The following RPA3 variants were observed in gnomAD, a reference collection of about 807,000 sequenced individuals.
RPA3 encodes replication protein A3.
A neutral mutation model predicts 13.7 loss-of-function variants in RPA3; 24 were observed. The observed-to-expected ratio is 1.75, with a 90% CI of 1.27 to 2.46. The LOEUF is 2.46. Among genes scored for constraint, RPA3 ranks in the 30% most tolerant of loss-of-function variants. RPA3 has a pLI of 0.00. For missense variants in RPA3, 183 were observed against 151.0 expected, an observed-to-expected ratio of 1.21 and a Z score of -1.11; for synonymous variants, 59 against 51.2, an observed-to-expected ratio of 1.15 and a Z score of -0.65.
intron 2 of RPA3, among the ~76,000 whole-genome samples, chr7:7,710,115 A>G (rs993683241): frequency 6.6e-6 from 1 of 152,136 alleles, no homozygotes; most frequent in African/African-American, 2.4e-5. Context: ...ATATTGCTCT[A>G]TGTATCTTTA....
chr7:7,686,222 A>G (rs1046966339), intron 3 of RPA3, among the ~76,000 whole-genome samples: 2 of 152,198 alleles, frequency 1.3e-5, no homozygotes, highest in Admixed American at 6.5e-5. Context: ...ATAGCTTCAG[A>G]AGAATCTGAT....
intron 2 of RPA3, among the ~76,000 whole-genome samples, chr7:7,698,495 C>CA (rs1294676109): frequency 6.6e-6 from 1 of 152,182 alleles, no homozygotes; most frequent in African/African-American, 2.4e-5. Context: ...CCTGATTTAA[C>CA]AAAATGTGTT....
intron 4 of RPA3, among the ~76,000 whole-genome samples, chr7:7,660,187 T>C (rs541067110): frequency 6.6e-6 from 1 of 152,372 alleles, no homozygotes; most frequent in Non-Finnish European, 1.5e-5. Context: ...TTTGAGCCTA[T>C]GTGTGTCTTT....
chr7:7,648,213 G>T (rs1785142069), intron 4 of RPA3, among the ~76,000 whole-genome samples: 1 of 152,194 alleles, frequency 6.6e-6, no homozygotes, highest in South Asian at 2.1e-4. Context: ...CTAGATGTAT[G>T]GGGGATGGAT....
chr7:7,640,135 C>A, intron 5 of RPA3, 185 bp downstream of exon 5: 1 of 630,052 alleles, frequency 1.6e-6, no homozygotes, highest in Non-Finnish European at 2.8e-6. Flanking sequence ...TGTTTCCGTG[C>A]CATAAAAGAG....
At chr7:7,654,318 T>C (rs539232556) in intron 4 of RPA3, among the ~76,000 whole-genome samples, 190 of 152,306 alleles carry the variant, frequency 1.2e-3, no homozygotes, top group Non-Finnish European at 2.1e-3. Context: ...GTGATGGAAA[T>C]AGGATCTGAC....
chr7:7,706,652 G>C (rs1056876649), intron 2 of RPA3, among the ~76,000 whole-genome samples: 5 of 152,064 alleles, frequency 3.3e-5, no homozygotes, highest in Admixed American at 2.0e-4. Flanking sequence ...ATTTACATAA[G>C]AACTCTAAGA....
intron 2 of RPA3, among the ~76,000 whole-genome samples, chr7:7,702,778 C>T (rs1268396538): frequency 5.3e-5 from 8 of 150,574 alleles, no homozygotes; most frequent in Non-Finnish European, 1.2e-4. Flanking sequence ...TGCCAGTGGC[C>T]TGGGTTTTTG....
At chr7:7,677,666 T>G (rs1481577938) in intron 4 of RPA3, among the ~76,000 whole-genome samples, 1 of 1,188 alleles carries the variant, frequency 8.4e-4, no homozygotes, top group Non-Finnish European at 3.5e-3. Context: ...GTTTTTTTGT[T>G]TTTTTTTTTT....
chr7:7,637,144 T>C (rs530468286), intron 7 of RPA3, 62 bp from the exon 8 acceptor site: 1 of 1,161,120 alleles, frequency 8.6e-7, no homozygotes, highest in East Asian at 2.4e-5. Flanking sequence ...TCAATTATTA[T>C]CTAAGATATT....
chr7:7,715,897 T>C (rs1328876631), intron 1 of RPA3, among the ~76,000 whole-genome samples: 1 of 152,214 alleles, frequency 6.6e-6, no homozygotes, highest in Non-Finnish European at 1.5e-5. Flanking sequence ...TTTAACCATT[T>C]ACTAAACTTT....
chr7:7,690,729 G>A (rs1405093097), intron 2 of RPA3, among the ~76,000 whole-genome samples: 2 of 152,020 alleles, frequency 1.3e-5, no homozygotes, highest in Admixed American at 6.6e-5. Context: ...ATAGTATTGA[G>A]CTACCTTATA....
rs755812687 is a variant in RPA3, at chr7:7,640,594, G to A, written c.-176C>T. On this transcript the variant is annotated 5_prime_UTR_variant, in exon 5 of 8. Transcript: ENST00000223129. ...AATCGCGCTGTCTCTGAAAGGGGTG[G>A]AGAAGGGGCTGGATGAGTCCGGAAG... 7.0e-5 allele frequency: 44 copies of A among 629,832 alleles called. No homozygotes were observed. The highest frequency in any genetic ancestry group is 1.0e-4 in the Non-Finnish European group (36 of 354,492). The allele number at this position is 629,832 out of a possible 1,614,324, so 39.0% of individuals were successfully genotyped here. A position where few individuals can be genotyped will look rare whatever the true frequency, so the allele number is the denominator to read the frequency against.
At chr7:7,709,420 A>T (rs1029983401) in intron 2 of RPA3, among the ~76,000 whole-genome samples, 53 of 152,322 alleles carry the variant, frequency 3.5e-4, no homozygotes, top group African/African-American at 1.2e-3. Context: ...GAGAGGTCAG[A>T]TGTTGGTGTT....
At chr7:7,713,276 G>C (rs191177737) in intron 2 of RPA3, among the ~76,000 whole-genome samples, 2 of 152,110 alleles carry the variant, frequency 1.3e-5, no homozygotes, top group East Asian at 3.9e-4. Flanking sequence ...CCCAGGAGGC[G>C]GAGGTTGTGG....
intron 4 of RPA3, among the ~76,000 whole-genome samples, chr7:7,667,156 T>TA (rs1779486470): frequency 6.6e-6 from 1 of 152,198 alleles, no homozygotes; most frequent in Non-Finnish European, 1.5e-5. Context: ...AGCTCCAGGA[T>TA]CCCTGAGTAT....
intron 1 of RPA3, among the ~76,000 whole-genome samples, chr7:7,717,155 C>T (rs1780936254): frequency 6.6e-6 from 1 of 150,904 alleles, no homozygotes; most frequent in African/African-American, 2.4e-5. Flanking sequence ...CTCCCGGGTT[C>T]AAGCGATTCT....
At chr7:7,686,699 G>A (rs749425299) in intron 3 of RPA3, among the ~76,000 whole-genome samples, 5 of 152,136 alleles carry the variant, frequency 3.3e-5, no homozygotes, top group Non-Finnish European at 5.9e-5. Flanking sequence ...TAGCTTCACT[G>A]TGATATGGGG....
intron 2 of RPA3, among the ~76,000 whole-genome samples, chr7:7,701,221 A>G (rs961806089): frequency 6.6e-6 from 1 of 151,542 alleles, no homozygotes; most frequent in Non-Finnish European, 1.5e-5. Context: ...AATGAACTGT[A>G]TCATTTCCTC....
Sources: gnomAD v4.1 joint callset for allele counts (sites outside exome capture counted in the v4.1 genomes callset) on GRCh38, gnomAD v4.1.1 for gene constraint, MANE v1.5 for transcripts, NCBI Gene and HGNC (gene_info 2026-07-23, HGNC 2026-07-21) for gene names.